The following GAREM1 variants were observed in gnomAD, a reference collection of about 807,000 sequenced individuals.
GAREM1 encodes the protein GRB2-associated and regulator of MAPK protein 1.
Under a neutral mutation model 71.3 loss-of-function variants are expected in GAREM1, and 26 were observed. The observed-to-expected ratio is 0.36, with a 90% CI of 0.27 to 0.51. GAREM1 has a LOEUF of 0.51. Among genes scored for constraint, GAREM1 ranks in the 20% least tolerant of loss-of-function variants. GAREM1 has a pLI of 0.95. For synonymous variants in GAREM1, 440 were observed against 433.2 expected (o/e 1.02, Z -0.20); for missense variants, 1,026 against 1,103.1 (o/e 0.93, Z 0.99).
chr18:32,334,032 C>T (rs1333980560), intron 2 of GAREM1, among the ~76,000 whole-genome samples: 2 of 152,132 alleles, frequency 1.3e-5, no homozygotes, highest in Admixed American at 6.5e-5. Flanking sequence ...GATGCTGAGA[C>T]CATATTGTGC....
In GAREM1 at chr18:32,293,401, T is replaced by C. The variant is rs181319668; in HGVS notation, c.394-5198A>G. Among the ~76,000 whole-genome samples, 101 of 152,310 alleles carry C rather than the reference T, an allele frequency of 6.6e-4. 1 individual carries two copies. The highest frequency in any genetic ancestry group is 2.2e-3 in the African/African-American group (92 of 41,558). On this transcript the variant is annotated intron_variant, in intron 3 of 5. Transcript: ENST00000269209. ...ACCAGCCTAAATGAGCTCCTACTGC[T>C]AAAATCTGGGACAATTTGAGCATCA...
chr18:32,379,451 T>G, intron 2 of GAREM1, among the ~76,000 whole-genome samples: 2 of 83,648 alleles, frequency 2.4e-5, no homozygotes, highest in South Asian at 4.8e-4. Context: ...TCCCAGCACT[T>G]TGGGAGGCCG....
intron 2 of GAREM1, among the ~76,000 whole-genome samples, chr18:32,378,392 T>C (rs2048059614): frequency 6.6e-6 from 1 of 150,688 alleles, no homozygotes; most frequent in African/African-American, 2.4e-5. Context: ...CCCAGCTACT[T>C]GGGAGGCTGA....
chr18:32,353,962 G>A (rs2047779508), intron 2 of GAREM1, among the ~76,000 whole-genome samples: 1 of 152,160 alleles, frequency 6.6e-6, no homozygotes, highest in Non-Finnish European at 1.5e-5. Context: ...ATTAGAAATA[G>A]ATGATTACAA....
At chr18:32,402,306 T>G (rs1399449019) in intron 1 of GAREM1, among the ~76,000 whole-genome samples, 1 of 152,170 alleles carries the variant, frequency 6.6e-6, no homozygotes, top group African/African-American at 2.4e-5. Context: ...GGATTTTACT[T>G]GCCCCATTTG....
intron 4 of GAREM1, among the ~76,000 whole-genome samples, chr18:32,282,622 C>A (rs2046966551): frequency 6.6e-6 from 1 of 151,952 alleles, no homozygotes; most frequent in South Asian, 2.1e-4. Context: ...TGTTGGCCAA[C>A]TGGTCTTGAA....
intron 2 of GAREM1, among the ~76,000 whole-genome samples, chr18:32,391,794 C>T (rs1188764392): frequency 2.0e-5 from 3 of 152,126 alleles, no homozygotes; most frequent in Non-Finnish European, 4.4e-5. Flanking sequence ...AAATACAATT[C>T]TAGAGGACAA....
intron 1 of GAREM1, among the ~76,000 whole-genome samples, chr18:32,443,973 T>C (rs1004623349): frequency 3.3e-5 from 5 of 152,168 alleles, no homozygotes; most frequent in African/African-American, 1.2e-4. Flanking sequence ...TACGACATGA[T>C]GAACCTTGAA....
At chr18:32,373,733 C>T (rs1474040873) in intron 2 of GAREM1, among the ~76,000 whole-genome samples, 2 of 152,142 alleles carry the variant, frequency 1.3e-5, no homozygotes, top group Non-Finnish European at 2.9e-5. Context: ...TTTTCAACCG[C>T]CAGAGAGATA....
chr18:32,457,223 G>A (rs1272391685), intron 1 of GAREM1, among the ~76,000 whole-genome samples: 12 of 127,316 alleles, frequency 9.4e-5, no homozygotes, highest in South Asian at 2.6e-4. Flanking sequence ...GAGAGAGAGA[G>A]AGAGTGTGTG....
At chr18:32,385,416 A>T (rs2048136606) in intron 2 of GAREM1, among the ~76,000 whole-genome samples, 1 of 151,828 alleles carries the variant, frequency 6.6e-6, no homozygotes, top group Non-Finnish European at 1.5e-5. Flanking sequence ...CTCTTTCCCC[A>T]GGCCTCCTGC....
intron 2 of GAREM1, among the ~76,000 whole-genome samples, chr18:32,356,688 T>C (rs1165638870): frequency 6.6e-6 from 1 of 152,204 alleles, no homozygotes; most frequent in African/African-American, 2.4e-5. Flanking sequence ...ACACCAATTT[T>C]ACAAGGTAGA....
chr18:32,382,875 C>G (rs141421524), intron 2 of GAREM1, among the ~76,000 whole-genome samples: 2 of 151,832 alleles, frequency 1.3e-5, no homozygotes, highest in African/African-American at 2.4e-5. Flanking sequence ...GACTCCCACA[C>G]GAGGGGACCA....
intron 4 of GAREM1, among the ~76,000 whole-genome samples, chr18:32,280,897 G>A (rs1319434241): frequency 6.6e-6 from 1 of 152,064 alleles, no homozygotes; most frequent in African/African-American, 2.4e-5. Flanking sequence ...CTTTGGAGGG[G>A]ACTTATGTAC....
intron 2 of GAREM1, among the ~76,000 whole-genome samples, chr18:32,361,664 C>G (rs1041198850): frequency 6.6e-6 from 1 of 152,174 alleles, no homozygotes; most frequent in African/African-American, 2.4e-5. Flanking sequence ...ATTTTGACAT[C>G]AGTATTTTAT....
chr18:32,371,096 G>A (rs1023862494), intron 2 of GAREM1, among the ~76,000 whole-genome samples: 4 of 152,038 alleles, frequency 2.6e-5, no homozygotes, highest in South Asian at 2.1e-4. Flanking sequence ...CCTAGATGAC[G>A]GGTGATGAAG....
chr18:32,304,470 G>T (rs2047230998), intron 3 of GAREM1, among the ~76,000 whole-genome samples: 1 of 152,114 alleles, frequency 6.6e-6, no homozygotes, highest in African/African-American at 2.4e-5. Context: ...GGTCAAGATG[G>T]TAATAATTTT....
At position 32,377,292 on chromosome 18, in the gene GAREM1, T is replaced by A. The variant is rs183137890; in HGVS notation, c.262+15603A>T. Among the ~76,000 whole-genome samples the A allele has an allele frequency of 2.8e-3, 432 of 152,304 alleles. 4 individuals are homozygous for A. In the Middle Eastern group the frequency reaches 0.048, roughly 17 times the overall value. On this transcript the variant is annotated intron_variant, in intron 2 of 5. Transcript: ENST00000269209. ...ACTATATTGTTGTTGCTTTAAGCCA[T>A]AAGGAAGAAGGGGATGAACTTGAGT... is the stretch of plus-strand genomic sequence containing the variant.
chr18:32,284,700 T>G (rs567491659), intron 4 of GAREM1, among the ~76,000 whole-genome samples: 2 of 152,158 alleles, frequency 1.3e-5, no homozygotes, highest in South Asian at 4.2e-4. Flanking sequence ...CATAGCTGAA[T>G]TAAGACATCC....
Sources: allele counts gnomAD v4.1 joint callset (sites outside exome capture counted in the v4.1 genomes callset), GRCh38; gene constraint gnomAD v4.1.1; transcripts MANE v1.5; gene names NCBI Gene and HGNC (gene_info 2026-07-23, HGNC 2026-07-21).